Variants in CCDC18 observed in about 807,000 individuals in gnomAD.
CCDC18 encodes coiled-coil domain containing 18, also known as coiled-coil domain-containing protein 18.
Under a neutral mutation model 196.0 loss-of-function variants are expected in CCDC18, and 157 were observed. The ratio of observed to expected loss-of-function variants is 0.80; its 90% CI spans 0.70 to 0.91. CCDC18 has a LOEUF of 0.91. Among genes scored for constraint, CCDC18 ranks in the 40% least tolerant of loss-of-function variants. The pLI is 0.00. For synonymous variants in CCDC18, 482 were observed against 529.2 expected (o/e 0.91, Z 1.22); for missense variants, 1,465 against 1,611.6 (o/e 0.91, Z 1.56).
At chr1:93,241,285 G>A (rs572901097) in intron 21 of CCDC18, among the ~76,000 whole-genome samples, 13 of 152,036 alleles carry the variant, frequency 8.6e-5, no homozygotes, top group African/African-American at 2.9e-4. Context: ...CATTGATTTC[G>A]TGGCCTCTTT....
At chr1:93,209,322 A>G (rs775365847) in intron 9 of CCDC18, among the ~76,000 whole-genome samples, 21 of 152,236 alleles carry the variant, frequency 1.4e-4, no homozygotes, top group African/African-American at 4.6e-4. Flanking sequence ...GACCATATAT[A>G]TAAATGAGAT....
intron 21 of CCDC18, among the ~76,000 whole-genome samples, chr1:93,241,779 A>G (rs1161123350): frequency 6.6e-6 from 1 of 151,758 alleles, no homozygotes; most frequent in Non-Finnish European, 1.5e-5. Context: ...TAAACCTTCT[A>G]ATGGCTTTCT....
intron 28 of CCDC18, among the ~76,000 whole-genome samples, chr1:93,278,048 G>A (rs2101599727): frequency 6.6e-6 from 1 of 152,012 alleles, no homozygotes; most frequent in East Asian, 1.9e-4. Flanking sequence ...GTGCAGTGGT[G>A]CGATCTCGGC....
upstream of CCDC18, chr1:93,180,174 A>G: frequency 4.3e-6 from 7 of 1,613,282 alleles, no homozygotes; most frequent in Non-Finnish European, 5.9e-6. Flanking sequence ...CGGCCGCCCC[A>G]GGCAGCAGCA....
intron 23 of CCDC18, among the ~76,000 whole-genome samples, chr1:93,250,930 T>C (rs1662153589): frequency 6.6e-6 from 1 of 152,242 alleles, no homozygotes; most frequent in Admixed American, 6.5e-5. Flanking sequence ...GTGTTTTAAA[T>C]GGAAAATTTA....
In CCDC18 at chr1:93,183,475, T is replaced by C. The variant is rs1417693657; in HGVS notation, c.114T>C (p.Ser38=). The C allele has an allele frequency of 6.3e-7, 1 of 1,596,790 alleles. No homozygotes were observed. The highest frequency in any genetic ancestry group is 8.5e-7 in the Non-Finnish European group (1 of 1,172,146). The change falls in exon 2 of 29, where the codon AGT becomes AGC. Residue 38 remains serine, a synonymous_variant. Transcript: ENST00000690025. ...ELKITEWSLQ[S]LGEELSSVSP... The stretch of plus-strand genomic sequence containing the variant: ...AGATAACAGAATGGAGTTTGCAGAG[T>C]TTAGGGGAAGAGTTATCCAGGTAAG...
intron 3 of CCDC18, among the ~76,000 whole-genome samples, chr1:93,185,301 G>T (rs1171723691): frequency 2.0e-5 from 3 of 151,794 alleles, no homozygotes; most frequent in Non-Finnish European, 4.4e-5. Flanking sequence ...CAACTGAGAT[G>T]CATTTGGCAA....
At chr1:93,215,536 A>G (rs1317767874) in intron 12 of CCDC18, among the ~76,000 whole-genome samples, 3 of 146,980 alleles carry the variant, frequency 2.0e-5, no homozygotes, top group Non-Finnish European at 4.5e-5. Flanking sequence ...AGCTCACTGT[A>G]GCTTTGAACT....
At chr1:93,230,728 C>T (rs1482240415) in intron 17 of CCDC18, among the ~76,000 whole-genome samples, 1 of 151,804 alleles carries the variant, frequency 6.6e-6, no homozygotes, top group Non-Finnish European at 1.5e-5. Context: ...TCTGTTTTGT[C>T]TTATTTTAAT....
rs533758901 is a variant in CCDC18 at position 93,217,101 on chromosome 1, A to AT, written c.1830+363dup. Among the ~76,000 whole-genome samples the AT allele has an allele frequency of 6.9e-3, 1,022 of 148,906 alleles. 5 individuals are homozygous for AT. The highest frequency in any genetic ancestry group is 0.01 in the Non-Finnish European group (687 of 67,678). ...AGGCGCCCGCCACCACGCCTGGCTA[A>AT]TTTTTTTTGTATTTTCAGTAGAGAC... is the stretch of plus-strand genomic sequence containing the variant. On this transcript the variant is annotated intron_variant, in intron 13 of 28. Coordinates refer to ENST00000690025, the MANE Select transcript of CCDC18 (RefSeq NM_001378204.1).
At chr1:93,219,610 C>T (rs1007846551) in intron 14 of CCDC18, among the ~76,000 whole-genome samples, 8 of 152,158 alleles carry the variant, frequency 5.3e-5, no homozygotes, top group Non-Finnish European at 1.0e-4. Context: ...CATAGTGGGA[C>T]GTCATGAGAT....
At chr1:93,186,295 C>A (rs1281397786) in intron 3 of CCDC18, 50 bp from the exon 4 acceptor site, 5 of 1,509,340 alleles carry the variant, frequency 3.3e-6, no homozygotes, top group Non-Finnish European at 4.5e-6. Flanking sequence ...TTACATGTAA[C>A]CCTTAATTGA....
At chr1:93,190,950 T>A in intron 4 of CCDC18, 1 of 876,878 alleles carries the variant, frequency 1.1e-6, no homozygotes, top group South Asian at 1.3e-5. Flanking sequence ...ATCGACACTT[T>A]CCCTGGGCAT....
At chr1:93,220,081 ACTT>A (rs1657152447) in intron 14 of CCDC18, among the ~76,000 whole-genome samples, 1 of 152,208 alleles carries the variant, frequency 6.6e-6, no homozygotes. Context: ...AAAGAGAACT[ACTT>A]CTAGACACAT....
At chr1:93,258,720 A>G (rs1211833838) in intron 25 of CCDC18, 28 bp from the exon 26 acceptor site, 1 of 1,494,668 alleles carries the variant, frequency 6.7e-7, no homozygotes, top group Non-Finnish European at 8.9e-7. Context: ...CAAGTTTTAT[A>G]GCTTTTACTC....
At chr1:93,203,523 A>C (rs1434442264) in intron 7 of CCDC18, among the ~76,000 whole-genome samples, 1 of 152,210 alleles carries the variant, frequency 6.6e-6, no homozygotes, top group Non-Finnish European at 1.5e-5. Context: ...GGAGATAAAG[A>C]ACAGGTAGAT....
At chr1:93,275,614 T>C (rs1431675020) in intron 28 of CCDC18, among the ~76,000 whole-genome samples, 3 of 152,340 alleles carry the variant, frequency 2.0e-5, no homozygotes, top group Admixed American at 6.5e-5. Context: ...GTTTATCTGA[T>C]TGGGGGTAGG....
rs749140792 is a variant in CCDC18 at position 93,221,954 on chromosome 1, T to G, written c.2175+18T>G. 1 of 1,484,384 alleles carries G rather than the reference T, an allele frequency of 6.7e-7. No individual in the cohort carries two copies. Among genetic ancestry groups the G allele is most frequent in the South Asian group, 1.2e-5 (1 of 81,282 alleles). The allele number at this position is 1,484,384 out of a possible 1,614,324, so 92.0% of individuals were successfully genotyped here. A position where few individuals can be genotyped will look rare whatever the true frequency, so the allele number is the denominator to read the frequency against. On this transcript the variant is annotated intron_variant, in intron 16 of 28. Coordinates refer to ENST00000690025, the MANE Select transcript of CCDC18 (RefSeq NM_001378204.1). ...CAATCAAGGCTAGTATGCTAATACTTTATTTTTCTTTCTTTCCTTTTTTTT... is the reference window on the plus strand; with the variant it reads ...CAATCAAGGCTAGTATGCTAATACTGTATTTTTCTTTCTTTCCTTTTTTTT...
At chr1:93,212,016 CA>C in intron 10 of CCDC18, 84 bp from the exon 11 acceptor site, 1 of 1,184,790 alleles carries the variant, frequency 8.4e-7, no homozygotes, top group Non-Finnish European at 1.2e-6. Flanking sequence ...TTTTTTAAAT[CA>C]ACTTGAAAGG....
Sources: gnomAD v4.1 joint callset for allele counts (sites outside exome capture counted in the v4.1 genomes callset) on GRCh38, gnomAD v4.1.1 for gene constraint, MANE v1.5 for transcripts, NCBI Gene and HGNC (gene_info 2026-07-23, HGNC 2026-07-21) for gene names.